The following GPM6A variants were observed in gnomAD, a reference collection of about 807,000 sequenced individuals.
The protein encoded by GPM6A is glycoprotein M6A.
Under a neutral mutation model 32.1 loss-of-function variants are expected in GPM6A, and 7 were observed. The observed-to-expected ratio is 0.22, with a 90% CI of 0.12 to 0.41. GPM6A has a LOEUF of 0.41. GPM6A is among the 10% of genes least tolerant of loss of function. The pLI, the probability that GPM6A is intolerant of heterozygous loss-of-function variation, is 1.00. For synonymous variants in GPM6A, 130 were observed against 123.4 expected (o/e 1.05, Z -0.35); for missense variants, 235 against 347.2 (o/e 0.68, Z 2.57).
chr4:175,897,502 A>G (rs190585679), intron 1 of GPM6A, among the ~76,000 whole-genome samples: 1 of 152,312 alleles, frequency 6.6e-6, no homozygotes, highest in African/African-American at 2.4e-5. Context: ...TGCAGTCCAG[A>G]GACCAGCATA....
Position 175,752,149 on chromosome 4 carries a change from A to G in GPM6A, c.38-50382T>C, listed in dbSNP as rs146893014. Among the ~76,000 whole-genome samples the G allele has an allele frequency of 3.3e-5, 5 of 152,248 alleles. No homozygotes were observed. In the East Asian group the frequency reaches 9.6e-4, roughly 29 times the overall value. On this transcript the variant is annotated intron_variant, in intron 1 of 6. Transcript: ENST00000393658. ...AGTCTGGTCTACCTAGTAATTTTAT[A>G]TAATTGTGGATCATTTCTTACTTAG...
rs374017820 is a variant in GPM6A, at chr4:175,689,382, C to T, written c.230+12193G>A. On this transcript the variant is annotated intron_variant, in intron 2 of 6. Coordinates refer to ENST00000393658, the MANE Select transcript of GPM6A (RefSeq NM_201591.3). The stretch of plus-strand genomic sequence containing the variant: ...TATTTGTGTCTTCTTTAATTTCTTT[C>T]AAGAATGTTTTACAATTTCCAGTGT... Among the ~76,000 whole-genome samples, 3 of 151,624 alleles carry T rather than the reference C, an allele frequency of 2.0e-5. No homozygotes were observed. In the East Asian group the frequency reaches 5.8e-4, roughly 29 times the overall value.
intron 1 of GPM6A, among the ~76,000 whole-genome samples, chr4:175,723,246 C>T (rs1746238193): frequency 1.3e-5 from 2 of 152,160 alleles, no homozygotes; most frequent in South Asian, 2.1e-4. Flanking sequence ...ACAAATGTGA[C>T]AGAAACAAGC....
intron 1 of GPM6A, among the ~76,000 whole-genome samples, chr4:175,942,371 T>C (rs1477816168): frequency 1.3e-5 from 2 of 152,232 alleles, no homozygotes; most frequent in Non-Finnish European, 2.9e-5. Flanking sequence ...GCAGAAGCTC[T>C]TTAGTTTAAT....
intron 1 of GPM6A, chr4:175,787,509 TC>T: frequency 3.4e-6 from 5 of 1,465,830 alleles, no homozygotes; most frequent in Non-Finnish European, 4.5e-6. Flanking sequence ...TCCTTTTTGT[TC>T]CACCTTTAGG....
chr4:175,927,378 C>G (rs1738877360), intron 1 of GPM6A, among the ~76,000 whole-genome samples: 1 of 152,244 alleles, frequency 6.6e-6, no homozygotes, highest in Non-Finnish European at 1.5e-5. Context: ...GTAGCTAGTA[C>G]ATGTTAAATA....
chr4:175,821,335 C>T (rs1271777585), intron 1 of GPM6A, among the ~76,000 whole-genome samples: 12 of 152,004 alleles, frequency 7.9e-5, no homozygotes, highest in Admixed American at 2.6e-4. Context: ...GTATTGTTTG[C>T]TTTTTGGTAT....
chr4:175,831,843 C>T (rs567317277), intron 1 of GPM6A, among the ~76,000 whole-genome samples: 1 of 151,186 alleles, frequency 6.6e-6, no homozygotes, highest in Non-Finnish European at 1.5e-5. Context: ...CTCAGCCTCC[C>T]GAGTAGCTGG....
At chr4:175,962,191 C>T in intron 1 of GPM6A, 1 of 1,174,252 alleles carries the variant, frequency 8.5e-7, no homozygotes, top group South Asian at 1.2e-5. Flanking sequence ...CTTTCTTTGC[C>T]CCTGGAGTAT....
chr4:175,825,535 G>A (rs1317739911), intron 1 of GPM6A, among the ~76,000 whole-genome samples: 5 of 152,158 alleles, frequency 3.3e-5, no homozygotes, highest in Non-Finnish European at 7.4e-5. Flanking sequence ...GCTAATGTCA[G>A]GTTCTTACAT....
intron 1 of GPM6A, among the ~76,000 whole-genome samples, chr4:175,808,102 T>C (rs1265231651): frequency 6.6e-6 from 1 of 152,146 alleles, no homozygotes; most frequent in African/African-American, 2.4e-5. Flanking sequence ...TCGTTGATTA[T>C]AGTGGTGTCT....
rs1279332903 is a variant in GPM6A at position 175,750,531 on chromosome 4, G to T, written c.38-48764C>A. On this transcript the variant is annotated intron_variant, in intron 1 of 6. Coordinates refer to ENST00000393658, the MANE Select transcript of GPM6A (RefSeq NM_201591.3). ...TGGTAACATGGAGGAGGTTATAAAA[G>T]AAAGTGTATGTATATTAAGAGTTAA... Among the ~76,000 whole-genome samples, 3 of 151,888 alleles carry T rather than the reference G, an allele frequency of 2.0e-5. No individual in the cohort carries two copies. In the East Asian group the frequency reaches 5.8e-4, roughly 29 times the overall value.
chr4:175,970,601 C>T (rs576595158), intron 1 of GPM6A, among the ~76,000 whole-genome samples: 1 of 152,180 alleles, frequency 6.6e-6, no homozygotes, highest in Non-Finnish European at 1.5e-5. Flanking sequence ...TTATTTCTTT[C>T]CTCATTCAAA....
chr4:175,717,349 G>A (rs1745891772), intron 1 of GPM6A, among the ~76,000 whole-genome samples: 1 of 152,126 alleles, frequency 6.6e-6, no homozygotes, highest in South Asian at 2.1e-4. Flanking sequence ...AATGACTAGT[G>A]AAAATCTGGT....
At chr4:175,843,428 T>C (rs17062146) in intron 1 of GPM6A, among the ~76,000 whole-genome samples, 9,194 of 152,236 alleles carry the variant, frequency 0.06, 900 homozygotes, top group African/African-American at 0.21. Context: ...TCACTGCATC[T>C]GACCATCTCA....
At chr4:175,891,279 T>C (rs1334853626) in intron 1 of GPM6A, among the ~76,000 whole-genome samples, 2 of 152,246 alleles carry the variant, frequency 1.3e-5, no homozygotes, top group Non-Finnish European at 2.9e-5. Flanking sequence ...CTGAATGTCA[T>C]TTCCTCTTCC....
chr4:175,736,224 C>T (rs1395798633), intron 1 of GPM6A, among the ~76,000 whole-genome samples: 1 of 152,046 alleles, frequency 6.6e-6, no homozygotes, highest in Non-Finnish European at 1.5e-5. Context: ...CTATGTTGCT[C>T]AGGCTGGTCT....
intron 1 of GPM6A, among the ~76,000 whole-genome samples, chr4:175,966,269 G>T (rs1309465513): frequency 6.6e-6 from 1 of 151,972 alleles, no homozygotes; most frequent in Non-Finnish European, 1.5e-5. Context: ...AGGCATGGTG[G>T]CATGTGCCTG....
At chr4:175,695,299 T>C (rs547792537) in intron 2 of GPM6A, among the ~76,000 whole-genome samples, 23 of 152,276 alleles carry the variant, frequency 1.5e-4, no homozygotes, top group African/African-American at 5.5e-4. Context: ...GACCCCAGAA[T>C]GGTAGATCCA....
Sources: gnomAD v4.1 joint callset for allele counts (sites outside exome capture counted in the v4.1 genomes callset) on GRCh38, gnomAD v4.1.1 for gene constraint, MANE v1.5 for transcripts, NCBI Gene and HGNC (gene_info 2026-07-23, HGNC 2026-07-21) for gene names.